The following TTC7B variants were observed in gnomAD, a reference collection of about 807,000 sequenced individuals.
TTC7B encodes tetratricopeptide repeat domain 7B.
A neutral mutation model predicts 106.8 loss-of-function variants in TTC7B; 28 were observed. That is an observed-to-expected ratio of 0.26 (90% confidence interval 0.19 to 0.36). TTC7B has a LOEUF of 0.36. TTC7B is among the 10% of genes least tolerant of loss of function. TTC7B has a pLI of 1.00. For synonymous variants in TTC7B, 405 were observed against 430.6 expected (o/e 0.94, Z 0.74); for missense variants, 862 against 1,076.4 (o/e 0.80, Z 2.79).
chr14:90,607,402 G>T (rs1892688065), intron 17 of TTC7B, among the ~76,000 whole-genome samples: 1 of 152,188 alleles, frequency 6.6e-6, no homozygotes, highest in Non-Finnish European at 1.5e-5. Flanking sequence ...CTTTAAAGGG[G>T]ACTTAGAAAA....
At chr14:90,812,410 G>A (rs1370567662) in intron 1 of TTC7B, among the ~76,000 whole-genome samples, 7 of 152,280 alleles carry the variant, frequency 4.6e-5, no homozygotes, top group South Asian at 2.1e-4. Flanking sequence ...ATCCCTGAGC[G>A]CTCAGGCTGC....
intron 4 of TTC7B, among the ~76,000 whole-genome samples, chr14:90,741,419 C>T (rs1260545208): frequency 6.6e-6 from 1 of 152,156 alleles, no homozygotes; most frequent in Non-Finnish European, 1.5e-5. Context: ...GGCCCACAGG[C>T]CCCAGCGAGC....
chr14:90,671,558 C>G (rs538901414), intron 9 of TTC7B, among the ~76,000 whole-genome samples: 2 of 152,078 alleles, frequency 1.3e-5, no homozygotes, highest in Non-Finnish European at 2.9e-5. Context: ...CTTTTAATAG[C>G]GCAGGTTGTC....
rs146646426 is a variant in TTC7B at position 90,583,796 on chromosome 14, C to T, written c.2108-5488G>A. Among the ~76,000 whole-genome samples the T allele has an allele frequency of 1.6e-3, 239 of 152,296 alleles. 2 individuals carry two copies. The highest frequency in any genetic ancestry group is 5.5e-3 in the African/African-American group (229 of 41,570). Reference sequence around the variant, plus strand: ...TTCTCTTAGGAACCCTTGGTTTGTCCCTGCTATTGGGTTACTATGAAAAAT... The same window carrying T: ...TTCTCTTAGGAACCCTTGGTTTGTCTCTGCTATTGGGTTACTATGAAAAAT... On this transcript the variant is annotated intron_variant, in intron 18 of 19. Transcript: ENST00000328459.
intron 4 of TTC7B, among the ~76,000 whole-genome samples, chr14:90,735,544 A>C (rs1889486849): frequency 6.6e-6 from 1 of 150,838 alleles, no homozygotes; most frequent in Non-Finnish European, 1.5e-5. Context: ...AAGCAATAAA[A>C]ATAGAAAAGA....
At chr14:90,778,690 G>A (rs904176295) in intron 3 of TTC7B, among the ~76,000 whole-genome samples, 2 of 152,142 alleles carry the variant, frequency 1.3e-5, no homozygotes, top group Non-Finnish European at 2.9e-5. Flanking sequence ...AGCACTCCCC[G>A]TAGCTCAGAC....
intron 8 of TTC7B, among the ~76,000 whole-genome samples, chr14:90,679,702 A>T (rs1167301481): frequency 6.6e-6 from 1 of 152,184 alleles, no homozygotes; most frequent in Non-Finnish European, 1.5e-5. Flanking sequence ...AGTATACATC[A>T]CTTTTCTGCT....
chr14:90,564,126 A>G (rs141429588), intron 19 of TTC7B, among the ~76,000 whole-genome samples: 1 of 151,950 alleles, frequency 6.6e-6, no homozygotes, highest in African/African-American at 2.4e-5. Context: ...GCCCAGATCC[A>G]TCAGAGGAAT....
intron 5 of TTC7B, among the ~76,000 whole-genome samples, chr14:90,701,433 T>C (rs1887979444): frequency 6.6e-6 from 1 of 151,432 alleles, no homozygotes. Context: ...GAGTTCATAC[T>C]TCAGGGGCCA....
At chr14:90,783,262 T>G (rs1891278490) in intron 2 of TTC7B, among the ~76,000 whole-genome samples, 1 of 152,226 alleles carries the variant, frequency 6.6e-6, no homozygotes, top group Admixed American at 6.5e-5. Flanking sequence ...CTGGCTCTGG[T>G]CTTCCCAGCC....
intron 19 of TTC7B, among the ~76,000 whole-genome samples, chr14:90,569,039 T>C (rs1251825549): frequency 6.6e-6 from 1 of 152,180 alleles, no homozygotes; most frequent in African/African-American, 2.4e-5. Context: ...TCTGATGGGA[T>C]TTGACAGGCC....
At chr14:90,748,542 G>A (rs190677886) in intron 3 of TTC7B, among the ~76,000 whole-genome samples, 1 of 152,090 alleles carries the variant, frequency 6.6e-6, no homozygotes, top group East Asian at 1.9e-4. Flanking sequence ...GGCCAGTCTG[G>A]TCTCGAACTC....
At chr14:90,812,847 C>T (rs1401674373) in intron 1 of TTC7B, among the ~76,000 whole-genome samples, 2 of 152,222 alleles carry the variant, frequency 1.3e-5, no homozygotes, top group Non-Finnish European at 2.9e-5. Flanking sequence ...TAAACCAATT[C>T]ATCTCAAAGG....
chr14:90,740,494 CTT>C (rs71461924), intron 4 of TTC7B, among the ~76,000 whole-genome samples: 3,426 of 78,220 alleles, frequency 0.044, 15 homozygotes, highest in Non-Finnish European at 0.053. Context: ...AATTCTTTGA[CTT>C]TTTTTTTTTT....
chr14:90,533,748 A>G lies in TTC7B; in HGVS notation c.*7620T>C, dbSNP rs1313738689. On this transcript the variant is annotated 3_prime_UTR_variant, in exon 20 of 20. Transcript: ENST00000328459. ...CAAACAGCAGAAGATGAGGGAGACG[A>G]GGAGGGTGGTGGGGGCTGTGGGTGG... 6.6e-6 allele frequency: 1 copy of G among 152,350 alleles called. No homozygotes were observed. Among genetic ancestry groups the G allele is most frequent in the Non-Finnish European group, 1.5e-5 (1 of 68,116 alleles). The allele number at this position is 152,350 out of a possible 1,614,324, so 9.4% of individuals were successfully genotyped here.
At chr14:90,636,427 T>TA (rs71117365) in intron 15 of TTC7B, among the ~76,000 whole-genome samples, 244 of 99,836 alleles carry the variant, frequency 2.4e-3, no homozygotes, top group African/African-American at 7.8e-3. Context: ...AACGATGTGG[T>TA]AAAAAAAAAA....
chr14:90,639,026 T>C (rs1306889654), intron 15 of TTC7B, among the ~76,000 whole-genome samples: 1 of 152,214 alleles, frequency 6.6e-6, no homozygotes, highest in Non-Finnish European at 1.5e-5. Context: ...GGCTGGCTCA[T>C]ACCATACACA....
At chr14:90,684,250 C>T (rs2139932950) in intron 7 of TTC7B, among the ~76,000 whole-genome samples, 1 of 152,268 alleles carries the variant, frequency 6.6e-6, no homozygotes, top group East Asian at 1.9e-4. Flanking sequence ...TAATCTTCTG[C>T]TTTACTTTGT....
chr14:90,691,105 TA>T (rs1887451481), intron 6 of TTC7B, among the ~76,000 whole-genome samples: 1 of 152,244 alleles, frequency 6.6e-6, no homozygotes, highest in Non-Finnish European at 1.5e-5. Context: ...TGCAGTCATA[TA>T]AGCTAATGAC....
Sources: gnomAD v4.1 joint callset for allele counts (sites outside exome capture counted in the v4.1 genomes callset) on GRCh38, gnomAD v4.1.1 for gene constraint, MANE v1.5 for transcripts, NCBI Gene and HGNC (gene_info 2026-07-23, HGNC 2026-07-21) for gene names.